Variants in PDK1 observed in about 807,000 individuals in gnomAD.
PDK1 encodes pyruvate dehydrogenase kinase 1.
Under a neutral mutation model 54.2 loss-of-function variants are expected in PDK1, and 39 were observed. The ratio of observed to expected loss-of-function variants is 0.72; its 90% CI spans 0.56 to 0.94. The LOEUF (loss-of-function observed/expected upper bound fraction) is 0.94, where lower values mean the gene tolerates loss of function less well. PDK1 is among the 40% of genes least tolerant of loss of function. The pLI is 0.00. For synonymous variants in PDK1, 221 were observed against 207.1 expected (o/e 1.07, Z -0.58); for missense variants, 552 against 566.0 (o/e 0.98, Z 0.25).
the PDK1 span, among the ~76,000 whole-genome samples, chr2:172,673,569 T>C: frequency 6.6e-6 from 1 of 152,128 alleles, no homozygotes; most frequent in Non-Finnish European, 1.5e-5. Flanking sequence ...ATTCCTGGTG[T>C]GTGTGCTGGG....
At chr2:172,697,839 A>ATATAATTTG in the PDK1 span, among the ~76,000 whole-genome samples, 2 of 152,230 alleles carry the variant, frequency 1.3e-5, no homozygotes, top group Non-Finnish European at 2.9e-5. Context: ...ATTATACATT[A>ATATAATTTG]CCACAGCTAT....
At chr2:172,562,769 T>C (rs773738694) in intron 3 of PDK1, 18 of 1,607,836 alleles carry the variant, frequency 1.1e-5, no homozygotes, top group Non-Finnish European at 1.5e-5. Context: ...GTTGCAGGTC[T>C]CTAGTTTATG....
chr2:172,695,793 T>G, the PDK1 span, among the ~76,000 whole-genome samples: 2 of 152,312 alleles, frequency 1.3e-5, no homozygotes, highest in South Asian at 4.2e-4. Context: ...GATAGCCTGG[T>G]TGCTGAAGAT....
the PDK1 span, among the ~76,000 whole-genome samples, chr2:172,622,072 ATATAT>A: frequency 7.0e-6 from 1 of 141,910 alleles, no homozygotes; most frequent in Non-Finnish European, 1.5e-5. Flanking sequence ...TTTATATCTC[ATATAT>A]TATGTGAGAT....
the PDK1 span, among the ~76,000 whole-genome samples, chr2:172,675,822 T>C: frequency 1.3e-5 from 2 of 152,170 alleles, no homozygotes; most frequent in Non-Finnish European, 2.9e-5. Flanking sequence ...AGATGCCATC[T>C]AAAACTTTCA....
the PDK1 span, among the ~76,000 whole-genome samples, chr2:172,693,012 C>T: frequency 1.3e-5 from 2 of 152,318 alleles, no homozygotes; most frequent in African/African-American, 4.8e-5. Context: ...CTTTAGCACC[C>T]ACTGGGTGGT....
chr2:172,723,003 A>T, the PDK1 span, among the ~76,000 whole-genome samples: 10 of 151,996 alleles, frequency 6.6e-5, no homozygotes, highest in Admixed American at 6.6e-4. Flanking sequence ...CTTCCATCTG[A>T]GCAGTGGCAA....
chr2:172,669,304 C>T, the PDK1 span, among the ~76,000 whole-genome samples: 1 of 152,012 alleles, frequency 6.6e-6, no homozygotes, highest in African/African-American at 2.4e-5. Flanking sequence ...GCCTTGGCCT[C>T]CCAAAGTGCT....
chr2:172,636,383 T>G, the PDK1 span, among the ~76,000 whole-genome samples: 7 of 151,912 alleles, frequency 4.6e-5, no homozygotes, highest in African/African-American at 1.7e-4. Context: ...GGGAGGAAGG[T>G]GCCAGGCTCT....
the PDK1 span, among the ~76,000 whole-genome samples, chr2:172,653,590 C>A: frequency 6.9e-6 from 1 of 144,326 alleles, no homozygotes; most frequent in East Asian, 2.2e-4. Flanking sequence ...GCGACAAGAG[C>A]GAGACTCCAT....
At chr2:172,710,911 G>T in the PDK1 span, among the ~76,000 whole-genome samples, 2 of 152,152 alleles carry the variant, frequency 1.3e-5, no homozygotes, top group Non-Finnish European at 2.9e-5. Context: ...ATTACATCAC[G>T]TAACTAAATT....
intron 8 of PDK1, among the ~76,000 whole-genome samples, chr2:172,573,765 C>A: frequency 6.6e-6 from 1 of 151,592 alleles, no homozygotes; most frequent in East Asian, 1.9e-4. Flanking sequence ...TTGATAGTAT[C>A]CTTTGAAGTA....
At chr2:172,682,519 A>T in the PDK1 span, among the ~76,000 whole-genome samples, 1 of 152,222 alleles carries the variant, frequency 6.6e-6, no homozygotes, top group South Asian at 2.1e-4. Flanking sequence ...TGTCAGTGGA[A>T]GCAGCTGGCT....
chr2:172,632,488 GATGGAAGATCCAGTACAAA>G, the PDK1 span, among the ~76,000 whole-genome samples: 14 of 152,254 alleles, frequency 9.2e-5, no homozygotes, highest in African/African-American at 3.1e-4. Flanking sequence ...GCTAATTTGT[GATGGAAGATCCAGTACAAA>G]ATGCTTATTG....
At chr2:172,609,845 G>C (rs1691406231), downstream of PDK1, among the ~76,000 whole-genome samples, 1 of 151,516 alleles carries the variant, frequency 6.6e-6, no homozygotes, top group Admixed American at 6.6e-5. Flanking sequence ...TGTTTTTTTT[G>C]AGATGGAGTC....
chr2:172,556,391 C>A, intron 1 of PDK1, 45 bp downstream of exon 1: 2 of 1,318,842 alleles, frequency 1.5e-6, no homozygotes, highest in Non-Finnish European at 2.0e-6. Flanking sequence ...CGGTCCCGGG[C>A]GGGGAGCTGC....
At chr2:172,562,119 A>C in intron 2 of PDK1, 101 bp from the exon 3 acceptor site, 1 of 679,016 alleles carries the variant, frequency 1.5e-6, no homozygotes, top group Admixed American at 2.5e-5. Context: ...ATTCTAAATT[A>C]AAAATTATAA....
the PDK1 span, among the ~76,000 whole-genome samples, chr2:172,702,928 G>T: frequency 6.6e-6 from 1 of 152,072 alleles, no homozygotes; most frequent in African/African-American, 2.4e-5. Context: ...GAGACGAAAA[G>T]TGTGTCCCCC....
chr2:172,637,678 T>C, the PDK1 span, among the ~76,000 whole-genome samples: 2 of 152,066 alleles, frequency 1.3e-5, no homozygotes, highest in African/African-American at 4.8e-5. Flanking sequence ...TCTACATCAA[T>C]AGGCTGCATT....
Sources: allele counts gnomAD v4.1 joint callset (sites outside exome capture counted in the v4.1 genomes callset), GRCh38; gene constraint gnomAD v4.1.1; transcripts MANE v1.5; gene names NCBI Gene and HGNC (gene_info 2026-07-23, HGNC 2026-07-21).